XIRP1: variants seen among roughly 807,000 people sequenced by gnomAD.
The protein encoded by XIRP1 is xin actin binding repeat containing 1, also known as xin actin-binding repeat-containing protein 1.
For synonymous variants in XIRP1, 984 were observed against 947.0 expected (o/e 1.04, Z -0.72); for missense variants, 2,378 against 2,345.4 (o/e 1.01, Z -0.29).
chr3:39,186,144 C>T lies in XIRP1; in HGVS notation c.3302G>A (p.Ser1101Asn). The T allele has an allele frequency of 6.2e-7, 1 of 1,613,386 alleles. No homozygotes were observed. The highest frequency in any genetic ancestry group is 8.5e-7 in the Non-Finnish European group (1 of 1,179,628). The change falls in exon 2 of 2, where the codon AGC (serine) becomes AAC (asparagine). Residue 1101 changes from serine to asparagine, a missense_variant. Physicochemically the swap from Ser to Asn is conservative, Grantham distance 46 (BLOSUM62 1). Transcript: ENST00000340369. The stretch of plus-strand genomic sequence containing the variant: ...ACTTCCACCCCCAGGCCTTATGTTG[C>T]TTTGGGTAGCCCCAGCTTTCCGAAG... ...DGLRKAGATQ[S>N]NIRPGGGSDP...
At position 39,188,459 on chromosome 3, in the gene XIRP1, GAAGTCCT is replaced by G. The variant is rs2040028329; in HGVS notation, c.980_986del (p.Lys327ThrfsTer29). ...GTGGGATAAGGTCTGGGGATGGCTGGAAGTCCTTCTCATCTACCAAGATCTCCCGGAT... is the reference window on the plus strand; with the variant it reads ...GTGGGATAAGGTCTGGGGATGGCTGGTCTCATCTACCAAGATCTCCCGGAT... On this transcript the variant is annotated frameshift_variant, in exon 2 of 2. Coordinates refer to ENST00000340369, the MANE Select transcript of XIRP1 (RefSeq NM_194293.4). LOFTEE classifies it low-confidence loss of function (END_TRUNC). The G allele has an allele frequency of 6.2e-7, 1 of 1,602,046 alleles. No homozygotes were observed. The highest frequency in any genetic ancestry group is 8.5e-7 in the Non-Finnish European group (1 of 1,171,952).
In XIRP1 at chr3:39,188,979, G is replaced by A. The variant is rs755527923; in HGVS notation, c.467C>T (p.Ala156Val). 6.2e-7 allele frequency: 1 copy of A among 1,613,796 alleles called. No homozygotes were observed. The highest frequency in any genetic ancestry group is 8.5e-7 in the Non-Finnish European group (1 of 1,180,038). Residue 156 changes from alanine to valine, a missense_variant, in exon 2 of 2, where the codon GCC becomes GTC. Transcript: ENST00000340369. ...TGGCTTTGTCTCAAATAGCCAGCGG[G>A]CTGCACGAACGTCTCCTCCACCTGG... ...PQPGGGDVRA[A>V]RWLFETKPLD...
At position 39,184,892 on chromosome 3, in the gene XIRP1, G is replaced by A. The variant is rs146387467; in HGVS notation, c.4554C>T (p.Pro1518=). Residue 1518 remains proline, a synonymous_variant, in exon 2 of 2, where the codon CCC becomes CCT. Coordinates refer to ENST00000340369, the MANE Select transcript of XIRP1 (RefSeq NM_194293.4). ...CAAAGGCCTGCTCCACTGAGGCCTC[G>A]GGCTTTTGGTGGGCAGCAGGAGCCT... ...APQAPAAHQK[P]EASVEQAFGE... The A allele has an allele frequency of 4.6e-4, 739 of 1,595,042 alleles. No homozygotes were observed. Among genetic ancestry groups the A allele is most frequent in the Middle Eastern group, 3.5e-3 (21 of 5,982 alleles).
rs140051351 is a variant in XIRP1, at chr3:39,186,411, G to A, written c.3035C>T (p.Ala1012Val). The A allele has an allele frequency of 1.2e-6, 2 of 1,614,186 alleles. No homozygotes were observed. The highest frequency in any genetic ancestry group is 2.2e-5 in the East Asian group (1 of 44,876). Reference protein sequence around the residue: ...VPLAGEAAAPAQLQNTEKQED... With the variant: ...VPLAGEAAAPVQLQNTEKQED... ...CTGCTTTTCTGTGTTTTGCAATTGG[G>A]CTGGTGCTGCAGCTTCCCCAGCCAG... The change falls in exon 2 of 2, where the codon GCC (alanine) becomes GTC (valine). Residue 1012 changes from alanine (A) to valine (V), a missense_variant. Ala to Val is a moderately conservative substitution (Grantham distance 64). Transcript: ENST00000340369.
chr3:39,188,030 A>G lies in XIRP1; in HGVS notation c.1416T>C (p.Ser472=). ...ACCCTATGCCCTGGGCCTGCCCAGC[A>G]GAATCAGTTCCTTCTTCTCTGCTTG... is the stretch of plus-strand genomic sequence containing the variant. The part of the protein sequence containing the change: ...GSPSREEGTD[S]AGQAQGIGSP... The change falls in exon 2 of 2, where the codon TCT becomes TCC. Residue 472 remains serine, a synonymous_variant. Transcript: ENST00000340369. 1 of 1,614,208 alleles carries G rather than the reference A, an allele frequency of 6.2e-7. No homozygotes were observed. The highest frequency in any genetic ancestry group is 1.1e-5 in the South Asian group (1 of 91,088).
chr3:39,192,348 C>T (rs1254834687), intron 1 of XIRP1, 98 bp downstream of exon 1: 1 of 152,452 alleles, frequency 6.6e-6, no homozygotes, highest in Non-Finnish European at 1.5e-5. Flanking sequence ...CCTTCCCCTA[C>T]TCAGAGCCAT....
chr3:39,186,929 A>G lies in XIRP1; in HGVS notation c.2517T>C (p.Asp839=), dbSNP rs943492469. The change falls in exon 2 of 2, where the codon GAT becomes GAC. Residue 839 remains aspartate (D), a synonymous_variant. Transcript: ENST00000340369. ...RIICQVLRRP[D]VDQQGLLVQE... is the part of the protein sequence containing the mutation. ...GCACCAGCAGCCCCTGCTGGTCCAC[A>G]TCTGGCCGGCGCAGGACTTGGCAGA... 2.5e-6 allele frequency: 4 copies of G among 1,613,700 alleles called. No individual in the cohort carries two copies. The highest frequency in any genetic ancestry group is 3.4e-6 in the Non-Finnish European group (4 of 1,179,776).
rs1443084844 is a variant in XIRP1 at position 39,189,500 on chromosome 3, A to G, written c.-55T>C. 1 of 1,530,278 alleles carries G rather than the reference A, an allele frequency of 6.5e-7. No individual in the cohort carries two copies. Among genetic ancestry groups the G allele is most frequent in the Non-Finnish European group, 8.8e-7 (1 of 1,140,882 alleles). The allele number at this position is 1,530,278 out of a possible 1,614,324, so 94.8% of individuals were successfully genotyped here. ...ATGGGATTGGGAGCCTTAGATCTAG[A>G]TGTTCAGCAGGGTAGAGGCTGGATG... On this transcript the variant is annotated 5_prime_UTR_variant, in exon 2 of 2. Transcript: ENST00000340369.
At position 39,188,189 on chromosome 3, in the gene XIRP1, G is replaced by C; in HGVS notation, c.1257C>G (p.Ser419=). 1 of 1,614,200 alleles carries C rather than the reference G, an allele frequency of 6.2e-7. No individual in the cohort carries two copies. Among genetic ancestry groups the C allele is most frequent in the Non-Finnish European group, 8.5e-7 (1 of 1,180,036 alleles). ...CACTCTGAGAGAAGGGCAGTGCTGAGGAGCTGTCACTGGATAGATGCCCCT... is the reference window on the plus strand; with the variant it reads ...CACTCTGAGAGAAGGGCAGTGCTGACGAGCTGTCACTGGATAGATGCCCCT... ...DGEGHLSSDS[S]SALPFSQSAP... Residue 419 remains serine, a synonymous_variant, in exon 2 of 2, where the codon TCC becomes TCG. Coordinates refer to ENST00000340369, the MANE Select transcript of XIRP1 (RefSeq NM_194293.4).
rs575108313 is a variant in XIRP1, at chr3:39,186,044, C to T, written c.3402G>A (p.Gly1134=). ...AGATGCCATCCTGAATTGTCACCCA[C>T]CCCCCAGGCAGCCCTCTGGGTAGTG... The part of the protein sequence containing the change: ...EQALPRGLPG[G]WVTIQDGIYT... Residue 1134 remains glycine (G), a synonymous_variant, in exon 2 of 2, where the codon GGG becomes GGA. Coordinates refer to ENST00000340369, the MANE Select transcript of XIRP1 (RefSeq NM_194293.4). 1 of 1,613,788 alleles carries T rather than the reference C, an allele frequency of 6.2e-7. No homozygotes were observed. The highest frequency in any genetic ancestry group is 8.5e-7 in the Non-Finnish European group (1 of 1,179,904).
rs146573948 is a variant in XIRP1, at chr3:39,188,726, C to T, written c.720G>A (p.Leu240=). Reference sequence around the variant, plus strand: ...CGCCCTCTGCATCCTGGATGGCACACAGGGGCTCCGTTTGGAAGAGCTTCA... The same window carrying T: ...CGCCCTCTGCATCCTGGATGGCACATAGGGGCTCCGTTTGGAAGAGCTTCA... ...KTVKLFQTEP[L]CAIQDAEGAI... The change falls in exon 2 of 2, where the codon CTG becomes CTA. Residue 240 remains leucine, a synonymous_variant. Transcript: ENST00000340369. 8.6e-5 allele frequency: 139 copies of T among 1,613,778 alleles called. 1 individual carries two copies. In the African/African-American group the frequency reaches 1.7e-3, roughly 19 times the overall value.
In XIRP1 at chr3:39,189,537, G is replaced by T; in HGVS notation, c.-80-12C>A. 6.6e-7 allele frequency: 1 copy of T among 1,508,818 alleles called. No homozygotes were observed. Among genetic ancestry groups the T allele is most frequent in the Non-Finnish European group, 8.9e-7 (1 of 1,129,228 alleles). 93.5% of individuals were successfully genotyped at this position (1,508,818 alleles called of 1,614,324 possible). On this transcript the variant is annotated splice_polypyrimidine_tract_variant and intron_variant, in intron 1 of 1. Coordinates refer to ENST00000340369, the MANE Select transcript of XIRP1 (RefSeq NM_194293.4). ...GTAGAGGCTGGATGCTGGGAGAAAT[G>T]GTAGTAAACAGGGCTCAGAGTCAGA...
rs1374546243 is a variant in XIRP1, at chr3:39,188,329, C to T, written c.1117G>A (p.Val373Met). The change falls in exon 2 of 2, where the codon GTG becomes ATG. Residue 373 changes from valine to methionine, a missense_variant. Coordinates refer to ENST00000340369, the MANE Select transcript of XIRP1 (RefSeq NM_194293.4). ...GTGGAGCGGACATCACCAGGGACCA[C>T]TTCCTCCTTGGGTGGGGCCTCTGCT... ...AGAEAPPKEE[V>M]VPGDVRSTLW... 1.2e-6 allele frequency: 2 copies of T among 1,614,086 alleles called. No homozygotes were observed. The highest frequency in any genetic ancestry group is 1.7e-6 in the Non-Finnish European group (2 of 1,180,048).
At position 39,186,688 on chromosome 3, in the gene XIRP1, C is replaced by G. The variant is rs746041562; in HGVS notation, c.2758G>C (p.Ala920Pro). ...AGCTGCACGCTGCTCCTCTCAGAGG[C>G]CTTGCTAGTTAGCCGGGGCTGCAGA... ...YSLQPRLTSK[A>P]SERSSVQLLA... Residue 920 changes from alanine (A) to proline (P), a missense_variant, in exon 2 of 2, where the codon GCC becomes CCC. By Grantham distance (27) the Ala-to-Pro change is conservative. Coordinates refer to ENST00000340369, the MANE Select transcript of XIRP1 (RefSeq NM_194293.4). 4 of 1,614,026 alleles carry G rather than the reference C, an allele frequency of 2.5e-6. No individual in the cohort carries two copies. The highest frequency in any genetic ancestry group is 3.4e-6 in the Non-Finnish European group (4 of 1,180,030).
Position 39,183,873 on chromosome 3 carries a change from G to C in XIRP1, c.*41C>G, listed in dbSNP as rs775921508. The C allele has an allele frequency of 4.4e-6, 7 of 1,586,632 alleles. No individual in the cohort carries two copies. The East Asian group carries it at 1.3e-4, about 31-fold the overall frequency. On this transcript the variant is annotated 3_prime_UTR_variant, in exon 2 of 2. Transcript: ENST00000340369. ...CCCACTTCAGTCCTGGGGCAGTGGA[G>C]GCCAGGAACAGGTGGCAGGTGTGGT...
Position 39,185,771 on chromosome 3 carries a change from G to T in XIRP1, c.3675C>A (p.Thr1225=). The change falls in exon 2 of 2, where the codon ACC becomes ACA. Residue 1225 remains threonine, a synonymous_variant. Transcript: ENST00000340369. Reference sequence around the variant, plus strand: ...GGCGGCCTAGAGGGGCAGTCTTCAGGGTGGTCTCTGCAGCTTGGAGGCCCC... The same window carrying T: ...GGCGGCCTAGAGGGGCAGTCTTCAGTGTGGTCTCTGCAGCTTGGAGGCCCC... ...CPGGLQAAET[T]LKTAPLGRHI... 6.2e-7 allele frequency: 1 copy of T among 1,609,898 alleles called. No homozygotes were observed. The highest frequency in any genetic ancestry group is 1.1e-5 in the South Asian group (1 of 90,484).
Position 39,187,448 on chromosome 3 carries a change from C to T in XIRP1, c.1998G>A (p.Glu666=). The change falls in exon 2 of 2, where the codon GAG becomes GAA. Residue 666 remains glutamate (E), a synonymous_variant. Coordinates refer to ENST00000340369, the MANE Select transcript of XIRP1 (RefSeq NM_194293.4). ...RQTDRHVFET[E]PLQASGRPCG... Reference sequence around the variant, plus strand: ...AGGGACGGCCTGAGGCCTGAAGAGGCTCGGTCTCAAAGACGTGTCTGTCTG... The same window carrying T: ...AGGGACGGCCTGAGGCCTGAAGAGGTTCGGTCTCAAAGACGTGTCTGTCTG... The T allele has an allele frequency of 6.2e-7, 1 of 1,614,158 alleles. No individual in the cohort carries two copies. Among genetic ancestry groups the T allele is most frequent in the Non-Finnish European group, 8.5e-7 (1 of 1,180,056 alleles).
At position 39,184,633 on chromosome 3, in the gene XIRP1, C is replaced by T. The variant is rs2039929542; in HGVS notation, c.4813G>A (p.Gly1605Ser). ...GCTTGGTTCTTGACTGCAGTTTGAC[C>T]TCCGACCTCCTGGCCTGAGCCACTG... ...RPSGSGQEVG[G>S]QTAVKNQAKV... Residue 1605 changes from glycine (G) to serine (S), a missense_variant, in exon 2 of 2, where the codon GGT becomes AGT. Coordinates refer to ENST00000340369, the MANE Select transcript of XIRP1 (RefSeq NM_194293.4). The T allele has an allele frequency of 3.1e-6, 5 of 1,613,768 alleles. No individual in the cohort carries two copies. The highest frequency in any genetic ancestry group is 4.2e-6 in the Non-Finnish European group (5 of 1,179,798).
rs758768413 is a variant in XIRP1 at position 39,188,856 on chromosome 3, G to A, written c.590C>T (p.Thr197Met). The change falls in exon 2 of 2, where the codon ACG (threonine) becomes ATG (methionine). Residue 197 changes from threonine (T) to methionine (M), a missense_variant. By Grantham distance (81) the Thr-to-Met change is moderately conservative. Transcript: ENST00000340369. ...DVQGTRMLFE[T>M]RPLDRLGSRP... is the part of the protein sequence containing the mutation. Reference sequence around the variant, plus strand: ...GGAGCCCAGGCGGTCCAGCGGCCGCGTCTCAAAGAGCATCCTGGTACCCTG... The same window carrying A: ...GGAGCCCAGGCGGTCCAGCGGCCGCATCTCAAAGAGCATCCTGGTACCCTG... 2.9e-5 allele frequency: 46 copies of A among 1,612,488 alleles called. No homozygotes were observed. Among genetic ancestry groups the A allele is most frequent in the South Asian group, 1.5e-4 (14 of 91,086 alleles).
Sources: gnomAD v4.1 joint callset for allele counts on GRCh38, gnomAD v4.1.1 for gene constraint, MANE v1.5 for transcripts, NCBI Gene and HGNC (gene_info 2026-07-23, HGNC 2026-07-21) for gene names.